The following IARS2 variants were observed in gnomAD, a reference collection of about 807,000 sequenced individuals.
IARS2 encodes the protein isoleucine--tRNA ligase, mitochondrial.
IARS2 carries 56 observed loss-of-function variants against 126.3 expected under a neutral mutation model. That is an observed-to-expected ratio of 0.44 (90% CI 0.36 to 0.55). The LOEUF is 0.55. Among genes scored for constraint, IARS2 ranks in the 20% least tolerant of loss-of-function variants. IARS2 has a pLI of 0.00. For synonymous variants in IARS2, 407 were observed against 441.1 expected (o/e 0.92, Z 0.97); for missense variants, 1,127 against 1,245.9 (o/e 0.90, Z 1.44).
rs140172974 is a variant in IARS2 at position 220,142,949 on chromosome 1, A to T, written c.2566A>T (p.Lys856Ter). The T allele has an allele frequency of 8.1e-6, 13 of 1,608,184 alleles. No individual in the cohort carries two copies. The highest frequency in any genetic ancestry group is 2.6e-6 in the Non-Finnish European group (3 of 1,176,144). The change falls in exon 21 of 23, where the codon AAG becomes TAG. Residue 856 changes from lysine (K) to a stop codon, truncating the protein, a stop_gained. Coordinates refer to ENST00000366922, the MANE Select transcript of IARS2 (RefSeq NM_018060.4). LOFTEE classifies it high-confidence loss of function. ...FQHIPYIKEP[K>*]SVFRTGWIST... ...CTATTTTTGTTCTTCTGAAGAGCCC[A>T]AGAGTGTTTTCCGTACTGGGTGGAT...
rs1337206323 is a variant in IARS2, at chr1:220,147,670, C to A, written c.*35C>A. 2 of 1,609,364 alleles carry A rather than the reference C, an allele frequency of 1.2e-6. No homozygotes were observed. Among genetic ancestry groups the A allele is most frequent in the Non-Finnish European group, 1.7e-6 (2 of 1,176,678 alleles). ...CTCACTCGAGCAAGAACCCTCCTGA[C>A]AGTACTGGCTAGAAGTTTGGATGGA... On this transcript the variant is annotated 3_prime_UTR_variant, in exon 23 of 23. Transcript: ENST00000366922.
chr1:220,141,473 T>C (rs893450321), intron 19 of IARS2, among the ~76,000 whole-genome samples: 2 of 152,204 alleles, frequency 1.3e-5, no homozygotes, highest in African/African-American at 4.8e-5. Context: ...ACTCCTTCCC[T>C]TAAAACACTA....
intron 2 of IARS2, 131 bp downstream of exon 2, chr1:220,096,357 A>C: frequency 1.5e-6 from 1 of 672,120 alleles, no homozygotes; most frequent in Non-Finnish European, 2.3e-6. Context: ...TTTTCATAGA[A>C]AGCAATATAC....
At chr1:220,106,250 A>C (rs913798316) in intron 9 of IARS2, among the ~76,000 whole-genome samples, 190 bp downstream of exon 9, 2 of 152,242 alleles carry the variant, frequency 1.3e-5, no homozygotes, top group African/African-American at 4.8e-5. Context: ...AATTAATAGA[A>C]AATTAGCACT....
chr1:220,136,575 A>G (rs1052524377), intron 15 of IARS2, among the ~76,000 whole-genome samples: 1 of 145,382 alleles, frequency 6.9e-6, no homozygotes, highest in African/African-American at 2.5e-5. Flanking sequence ...CAGAGGTTGC[A>G]GTGAGCCGAC....
At chr1:220,132,017 C>T (rs1043762329) in intron 14 of IARS2, among the ~76,000 whole-genome samples, 5 of 151,640 alleles carry the variant, frequency 3.3e-5, no homozygotes, top group South Asian at 2.1e-4. Flanking sequence ...AGGATGGTCT[C>T]GATCTCCTGA....
intron 14 of IARS2, among the ~76,000 whole-genome samples, chr1:220,131,989 G>A (rs1490575597): frequency 6.6e-6 from 1 of 151,612 alleles, no homozygotes; most frequent in Non-Finnish European, 1.5e-5. Flanking sequence ...AGTAGAGACG[G>A]GTTTCACCAT....
chr1:220,098,516 T>G (rs947508626), intron 2 of IARS2, among the ~76,000 whole-genome samples: 2 of 152,190 alleles, frequency 1.3e-5, no homozygotes, highest in African/African-American at 2.4e-5. Context: ...GTGTGATATG[T>G]TGGTATATAT....
intron 13 of IARS2, 139 bp from the exon 14 acceptor site, chr1:220,126,611 C>A: frequency 1.5e-6 from 1 of 660,800 alleles, no homozygotes. Flanking sequence ...CTGTGAAATG[C>A]TTAAAAATAC....
intron 14 of IARS2, among the ~76,000 whole-genome samples, chr1:220,128,903 G>A (rs1657205546): frequency 7.1e-6 from 1 of 140,850 alleles, no homozygotes; most frequent in African/African-American, 2.5e-5. Context: ...TCTAGAGTGT[G>A]ATTTTTTTTT....
intron 10 of IARS2, among the ~76,000 whole-genome samples, chr1:220,108,610 C>T (rs1656730440): frequency 1.3e-5 from 2 of 152,070 alleles, no homozygotes; most frequent in Non-Finnish European, 1.5e-5. Context: ...CGGTCTCGAT[C>T]TCCTGACCTC....
chr1:220,136,432 G>A (rs747546584), intron 15 of IARS2, among the ~76,000 whole-genome samples: 2 of 151,982 alleles, frequency 1.3e-5, no homozygotes, highest in Non-Finnish European at 2.9e-5. Flanking sequence ...GCACCCAGCC[G>A]AATTTGACTT....
At chr1:220,118,317 A>AGGATT in intron 12 of IARS2, 1 of 306,486 alleles carries the variant, frequency 3.3e-6, no homozygotes, top group Non-Finnish European at 6.7e-6. Flanking sequence ...TTCACAGAAG[A>AGGATT]AAGTCTCGAT....
At chr1:220,118,656 T>C (rs1656976549) in intron 12 of IARS2, among the ~76,000 whole-genome samples, 1 of 152,144 alleles carries the variant, frequency 6.6e-6, no homozygotes, top group African/African-American at 2.4e-5. Flanking sequence ...ATAATCACTT[T>C]CATGCTATTA....
intron 14 of IARS2, among the ~76,000 whole-genome samples, chr1:220,133,200 G>T (rs558988421): frequency 6.6e-5 from 10 of 151,912 alleles, no homozygotes; most frequent in African/African-American, 2.4e-4. Context: ...TAGAGATGGG[G>T]TTTCGCCATG....
chr1:220,116,645 C>G lies in IARS2; in HGVS notation c.1640+2171C>G, dbSNP rs1656918916. ...TCTGAGGTAAGACTTTAGGAATAAT[C>G]TAAATATTGTTGCTGTGGTGTTCTT... On this transcript the variant is annotated intron_variant, in intron 12 of 22. Transcript: ENST00000366922. Among the ~76,000 whole-genome samples the G allele has an allele frequency of 3.3e-5, 5 of 152,042 alleles. No homozygotes were observed. In the South Asian group the frequency reaches 1.0e-3, roughly 32 times the overall value.
At position 220,105,879 on chromosome 1, in the gene IARS2, C is replaced by G; in HGVS notation, c.1067-12C>G. ...TAAAATGATTCTTAATAGTGGTTTT[C>G]TTTCCCCACAGGTGTAGATTTGGAA... On this transcript the variant is annotated splice_polypyrimidine_tract_variant and intron_variant, in intron 8 of 22. Transcript: ENST00000366922. 1 of 1,612,176 alleles carries G rather than the reference C, an allele frequency of 6.2e-7. No individual in the cohort carries two copies. The highest frequency in any genetic ancestry group is 8.5e-7 in the Non-Finnish European group (1 of 1,178,346).
At position 220,100,659 on chromosome 1, in the gene IARS2, C is replaced by G. The variant is rs763779261; in HGVS notation, c.550+10C>G. 6.3e-7 allele frequency: 1 copy of G among 1,582,724 alleles called. No homozygotes were observed. Among genetic ancestry groups the G allele is most frequent in the Non-Finnish European group, 8.6e-7 (1 of 1,157,062 alleles). Reference sequence around the variant, plus strand: ...GAAATTAGAAAGAAAGGTAAATAATCTGTATTTCTGTTTTAAAATGATATT... The same window carrying G: ...GAAATTAGAAAGAAAGGTAAATAATGTGTATTTCTGTTTTAAAATGATATT... On this transcript the variant is annotated intron_variant, in intron 3 of 22. Transcript: ENST00000366922.
chr1:220,102,992 A>G (rs1201433426), intron 7 of IARS2, among the ~76,000 whole-genome samples: 1 of 152,108 alleles, frequency 6.6e-6, no homozygotes, highest in Non-Finnish European at 1.5e-5. Context: ...ATAAGTTACA[A>G]AGTGTTTTGA....
Sources: allele counts gnomAD v4.1 joint callset (sites outside exome capture counted in the v4.1 genomes callset), GRCh38; gene constraint gnomAD v4.1.1; transcripts MANE v1.5; gene names NCBI Gene and HGNC (gene_info 2026-07-23, HGNC 2026-07-21).